Variants in NECTIN2 observed in about 807,000 individuals in gnomAD.
The protein encoded by NECTIN2 is nectin cell adhesion molecule 2.
Under a neutral mutation model 56.9 loss-of-function variants are expected in NECTIN2, and 23 were observed. The observed-to-expected ratio is 0.40, with a 90% CI of 0.29 to 0.57. The LOEUF (loss-of-function observed/expected upper bound fraction) is 0.57, where lower values mean the gene tolerates loss of function less well. NECTIN2 is among the 20% of genes least tolerant of loss of function. The pLI, the probability that NECTIN2 is intolerant of heterozygous loss-of-function variation, is 0.38. For missense variants in NECTIN2, 587 were observed against 718.3 expected (o/e 0.82, Z 2.09); for synonymous variants, 302 against 313.8 (o/e 0.96, Z 0.40).
At chr19:44,869,355 G>C (rs1969142721) in intron 2 of NECTIN2, among the ~76,000 whole-genome samples, 2 of 152,098 alleles carry the variant, frequency 1.3e-5, no homozygotes, top group South Asian at 4.1e-4. Context: ...CACTTTGGGA[G>C]GCCGAGGCAG....
In NECTIN2 at chr19:44,886,115, G is replaced by T; in HGVS notation, c.1261-18G>T. On this transcript the variant is annotated intron_variant, in intron 7 of 8. Transcript: ENST00000252483. Reference sequence around the variant, plus strand: ...GGTGGGGGCAGTTCCTGACCTCCCCGCCCCTCTCCCACTACAGCCCTCCCA... The same window carrying T: ...GGTGGGGGCAGTTCCTGACCTCCCCTCCCCTCTCCCACTACAGCCCTCCCA... 3.7e-6 allele frequency: 6 copies of T among 1,600,934 alleles called. No individual in the cohort carries two copies. Among genetic ancestry groups the T allele is most frequent in the Non-Finnish European group, 5.1e-6 (6 of 1,168,562 alleles).
chr19:44,874,589 G>T lies in NECTIN2; in HGVS notation c.1042+111G>T. On this transcript the variant is annotated intron_variant, in intron 5 of 8. Coordinates refer to ENST00000252483, the MANE Select transcript of NECTIN2 (RefSeq NM_001042724.2). This position sits in a 1 kb window ranked among gnomAD's most constrained non-coding sequence, Gnocchi z 6.3. Reference sequence around the variant, plus strand: ...GAGGCTGCGCCGCCGACCTGGGAGGGATGCAGACCTGCCTGGCTGAGGGGA... The same window carrying T: ...GAGGCTGCGCCGCCGACCTGGGAGGTATGCAGACCTGCCTGGCTGAGGGGA... 7.4e-7 allele frequency: 1 copy of T among 1,348,772 alleles called. No individual in the cohort carries two copies. The highest frequency in any genetic ancestry group is 1.0e-6 in the Non-Finnish European group (1 of 975,564). 83.6% of individuals were successfully genotyped at this position (1,348,772 alleles called of 1,614,324 possible).
chr19:44,872,386 G>C (rs754257691), intron 3 of NECTIN2, among the ~76,000 whole-genome samples: 1 of 151,928 alleles, frequency 6.6e-6, no homozygotes, highest in Non-Finnish European at 1.5e-5. Context: ...TGGTAACCTG[G>C]GATGGGCTTG....
At chr19:44,872,213 T>C in intron 3 of NECTIN2, 64 bp downstream of exon 3, 3 of 1,532,238 alleles carry the variant, frequency 2.0e-6, no homozygotes, top group East Asian at 4.5e-5. Flanking sequence ...TCTAAAGCAC[T>C]GTCTACATTG....
chr19:44,885,831 C>T (rs1969354539), intron 6 of NECTIN2, 106 bp from the exon 7 acceptor site: 2 of 878,538 alleles, frequency 2.3e-6, no homozygotes, highest in East Asian at 2.4e-5. Context: ...GAAAAGGGGG[C>T]AGGGGAAAGG....
chr19:44,846,805 CCTT>C (rs915210977), intron 1 of NECTIN2, among the ~76,000 whole-genome samples, 192 bp downstream of exon 1: 2 of 151,408 alleles, frequency 1.3e-5, no homozygotes, highest in Admixed American at 6.6e-5. Context: ...TCTGACCCCT[CCTT>C]TCTGCATCTC....
chr19:44,846,551 C>T lies in NECTIN2; in HGVS notation c.26C>T (p.Pro9Leu), dbSNP rs1468614650. Residue 9 changes from proline to leucine, a missense_variant, in exon 1 of 9, where the codon CCG becomes CTG. Pro to Leu is a moderately conservative substitution (Grantham distance 98). Coordinates refer to ENST00000252483, the MANE Select transcript of NECTIN2 (RefSeq NM_001042724.2). MARAAALLPSRSPPTPLLW... is the reference protein window; with the variant it reads MARAAALLLSRSPPTPLLW... ...ATGGCCCGGGCCGCTGCCCTCCTGC[C>T]GTCGAGATCGCCGCCGACGCCGCTG... is the stretch of plus-strand genomic sequence containing the variant. The T allele has an allele frequency of 1.3e-6, 2 of 1,524,024 alleles. No homozygotes were observed. The highest frequency in any genetic ancestry group is 2.6e-5 in the East Asian group (1 of 39,104). The allele number at this position is 1,524,024 out of a possible 1,614,324, so 94.4% of individuals were successfully genotyped here.
Position 44,865,703 on chromosome 19 carries a change from C to A in NECTIN2, c.478+43C>A. 2 of 1,472,092 alleles carry A rather than the reference C, an allele frequency of 1.4e-6. No homozygotes were observed. Among genetic ancestry groups the A allele is most frequent in the Non-Finnish European group, 1.8e-6 (2 of 1,109,842 alleles). 91.2% of individuals were successfully genotyped at this position (1,472,092 alleles called of 1,614,324 possible). A position where few individuals can be genotyped will look rare whatever the true frequency, so the allele number is the denominator to read the frequency against. ...GGGAGGCAAGGAGGTGGGAGGGCCG[C>A]GGTGTGGGAGCATCCCCTTGCGGGT... On this transcript the variant is annotated intron_variant, in intron 2 of 8. Coordinates refer to ENST00000252483, the MANE Select transcript of NECTIN2 (RefSeq NM_001042724.2). The surrounding 1 kb of genome is among the most constrained non-coding windows in gnomAD (Gnocchi z 5.2).
In NECTIN2 at chr19:44,878,362, T is replaced by TGGAGGAGCAGGA. The variant is rs780028480; in HGVS notation, c.1043-3840_1043-3829dup. The TGGAGGAGCAGGA allele has an allele frequency of 1.3e-4, 206 of 1,552,284 alleles. 1 individual carries two copies. The Admixed American group carries it at 3.7e-3, about 28-fold the overall frequency. On this transcript the variant is annotated intron_variant, in intron 5 of 8. Coordinates refer to ENST00000252483, the MANE Select transcript of NECTIN2 (RefSeq NM_001042724.2). ...GGGTGAGGAGGAGGAGGAAGAGCCC[T>TGGAGGAGCAGGA]GGAGGAGCAGGAGGAGGAGCCAGTG...
chr19:44,851,482 A>G lies in NECTIN2; in HGVS notation c.88+4869A>G, dbSNP rs560920472. Reference sequence around the variant, plus strand: ...CCCCCAACCTCTCCTCCAGGGTTCCATAGGTCACTCTGCACCCTCCTCGCT... The same window carrying G: ...CCCCCAACCTCTCCTCCAGGGTTCCGTAGGTCACTCTGCACCCTCCTCGCT... On this transcript the variant is annotated intron_variant, in intron 1 of 8. Coordinates refer to ENST00000252483, the MANE Select transcript of NECTIN2 (RefSeq NM_001042724.2). 2.0e-5 allele frequency among the ~76,000 whole-genome samples: 3 copies of G among 152,014 alleles called. No homozygotes were observed. In the East Asian group the frequency reaches 5.8e-4, roughly 29 times the overall value.
chr19:44,872,474 GA>G (rs1333061549), intron 3 of NECTIN2, among the ~76,000 whole-genome samples: 4 of 152,118 alleles, frequency 2.6e-5, no homozygotes, highest in Admixed American at 6.6e-5. Flanking sequence ...CAACCTTGGG[GA>G]ATATTTACAC....
At chr19:44,872,360 T>C (rs1969185819) in intron 3 of NECTIN2, among the ~76,000 whole-genome samples, 1 of 152,122 alleles carries the variant, frequency 6.6e-6, no homozygotes, top group African/African-American at 2.4e-5. Flanking sequence ...GGTTCCTGCA[T>C]GCTGTGCCTA....
In NECTIN2 at chr19:44,873,898, T is replaced by TC. The variant is rs759159786; in HGVS notation, c.776-12dup. Reference sequence around the variant, plus strand: ...GGGATTCTCCTCCTTGCTGATCCAGTCCCCCCATTTCCCCCAGACCCTCCT... The same window carrying TC: ...GGGATTCTCCTCCTTGCTGATCCAGTCCCCCCCATTTCCCCCAGACCCTCCT... On this transcript the variant is annotated splice_polypyrimidine_tract_variant and intron_variant, in intron 3 of 8. Coordinates refer to ENST00000252483, the MANE Select transcript of NECTIN2 (RefSeq NM_001042724.2). 1 of 1,573,006 alleles carries TC rather than the reference T, an allele frequency of 6.4e-7. No individual in the cohort carries two copies. The highest frequency in any genetic ancestry group is 1.7e-5 in the Admixed American group (1 of 59,468).
intron 3 of NECTIN2, among the ~76,000 whole-genome samples, chr19:44,872,809 TATTATA>T (rs1969192016): frequency 7.0e-6 from 1 of 143,544 alleles, no homozygotes; most frequent in Non-Finnish European, 1.5e-5. Flanking sequence ...TATTATTTAT[TATTATA>T]TTTTTATATA....
chr19:44,872,040 C>T lies in NECTIN2; in HGVS notation c.666C>T (p.Arg222=). The T allele has an allele frequency of 6.2e-7, 1 of 1,614,216 alleles. No individual in the cohort carries two copies. Among genetic ancestry groups the T allele is most frequent in the Middle Eastern group, 1.6e-4 (1 of 6,062 alleles). The change falls in exon 3 of 9, where the codon CGC becomes CGT. Residue 222 remains arginine (R), a synonymous_variant. Coordinates refer to ENST00000252483, the MANE Select transcript of NECTIN2 (RefSeq NM_001042724.2). ...TLAGTVTVTS[R]FTLVPSGRAD... ...CCGGAACTGTCACTGTCACCAGCCG[C>T]TTCACCTTGGTGCCCTCGGGCCGAG...
At position 44,857,715 on chromosome 19, in the gene NECTIN2, T is replaced by TG. The variant is rs1474949629; in HGVS notation, c.89-7556_89-7555insG. ...TCGTGCCGGGTTTTTGTTTTTGTTT[T>TG]TTTTTTTTTAAGAGATGAAGTCTCA... On this transcript the variant is annotated intron_variant, in intron 1 of 8. Coordinates refer to ENST00000252483, the MANE Select transcript of NECTIN2 (RefSeq NM_001042724.2). Among the ~76,000 whole-genome samples the TG allele has an allele frequency of 5.7e-3, 852 of 150,704 alleles. 11 individuals are homozygous for TG. The highest frequency in any genetic ancestry group is 0.019 in the African/African-American group (797 of 40,982).
intron 1 of NECTIN2, among the ~76,000 whole-genome samples, chr19:44,852,855 A>C (rs1042104837): frequency 1.3e-5 from 2 of 152,244 alleles, no homozygotes; most frequent in Admixed American, 6.5e-5. Context: ...CTGTAATCCA[A>C]GCACTTTGGG....
rs111904213 is a variant in NECTIN2, at chr19:44,846,319, G to T, written c.-207G>T. The stretch of plus-strand genomic sequence containing the variant: ...CCTGTGACGTCAGCGGGTTCGAACC[G>T]CCGGAGCTGAGCGAGAGGCCGGGGG... On this transcript the variant is annotated 5_prime_UTR_variant, in exon 1 of 9. Coordinates refer to ENST00000252483, the MANE Select transcript of NECTIN2 (RefSeq NM_001042724.2). 6 of 533,948 alleles carry T rather than the reference G, an allele frequency of 1.1e-5. No individual in the cohort carries two copies. Among genetic ancestry groups the T allele is most frequent in the Non-Finnish European group, 1.8e-5 (6 of 329,948 alleles). The allele number at this position is 533,948 out of a possible 1,614,324, so 33.1% of individuals were successfully genotyped here.
At chr19:44,848,910 C>T (rs1328328394) in intron 1 of NECTIN2, among the ~76,000 whole-genome samples, 1 of 152,156 alleles carries the variant, frequency 6.6e-6, no homozygotes, top group Non-Finnish European at 1.5e-5. Flanking sequence ...CCCAGCTGGG[C>T]CGGCTCCCCT....
Sources: allele counts gnomAD v4.1 joint callset (sites outside exome capture counted in the v4.1 genomes callset), GRCh38; gene constraint gnomAD v4.1.1; non-coding constraint Gnocchi (gnomAD v3.1); transcripts MANE v1.5; gene names NCBI Gene and HGNC (gene_info 2026-07-23, HGNC 2026-07-21).